CD69: variants seen among roughly 807,000 people sequenced by gnomAD.
The protein encoded by CD69 is CD69 molecule, also known as early activation antigen CD69.
In CD69, 10 loss-of-function variants were observed where a neutral mutation model predicts 21.4. The observed-to-expected ratio is 0.47, with a 90% CI of 0.29 to 0.79. The LOEUF (loss-of-function observed/expected upper bound fraction) is 0.79. CD69 is among the 30% of genes least tolerant of loss of function. CD69 has a pLI of 0.09. For synonymous variants in CD69, 63 were observed against 78.2 expected, an observed-to-expected ratio of 0.81 and a Z score of 1.03; for missense variants, 204 against 236.9, an observed-to-expected ratio of 0.86 and a Z score of 0.91.
chr12:9,759,112 G>C (rs1447932758), intron 1 of CD69, among the ~76,000 whole-genome samples: 1 of 151,936 alleles, frequency 6.6e-6, no homozygotes, highest in African/African-American at 2.4e-5. Flanking sequence ...TGTATTTTTA[G>C]TACAGACGGG....
chr12:9,753,851 T>G (rs1866651511), intron 4 of CD69, among the ~76,000 whole-genome samples: 1 of 152,190 alleles, frequency 6.6e-6, no homozygotes, highest in Non-Finnish European at 1.5e-5. Flanking sequence ...TCTTGGTCAT[T>G]TCTGAGTTCA....
chr12:9,759,311 G>A (rs1162613274), intron 1 of CD69, among the ~76,000 whole-genome samples: 1 of 152,074 alleles, frequency 6.6e-6, no homozygotes, highest in African/African-American at 2.4e-5. Flanking sequence ...CATTAATGGA[G>A]AAGTTGAAAA....
Position 9,755,275 on chromosome 12 carries a change from A to G in CD69, c.188-14T>C, listed in dbSNP as rs764091481. 1 of 1,611,178 alleles carries G rather than the reference A, an allele frequency of 6.2e-7. No individual in the cohort carries two copies. The highest frequency in any genetic ancestry group is 1.7e-5 in the Admixed American group (1 of 60,016). On this transcript the variant is annotated splice_polypyrimidine_tract_variant and intron_variant, in intron 2 of 4. Coordinates refer to ENST00000228434, the MANE Select transcript of CD69 (RefSeq NM_001781.2). ...TGTATTGGCCCACTGTGAACAGAAA[A>G]ATGCTTTGTTTTAGTAACAAAAGAA...
At chr12:9,756,486 T>C in intron 1 of CD69, 67 bp from the exon 2 acceptor site, 4 of 1,272,436 alleles carry the variant, frequency 3.1e-6, no homozygotes, top group Non-Finnish European at 4.3e-6. Context: ...TATGCAACAT[T>C]CTTTTGAGGC....
rs1866695208 is a variant in CD69 at position 9,757,934 on chromosome 12, A to C, written c.65-1515T>G. Among the ~76,000 whole-genome samples the C allele has an allele frequency of 2.6e-5, 4 of 152,244 alleles. No homozygotes were observed. The South Asian group carries it at 6.2e-4, about 24-fold the overall frequency. ...CTCAATTTAAAATGATATGTGAATG[A>C]ACAGTAAAAATTTGAATTTTTCAAA... On this transcript the variant is annotated intron_variant, in intron 1 of 4. Coordinates refer to ENST00000228434, the MANE Select transcript of CD69 (RefSeq NM_001781.2).
chr12:9,756,116 AT>A (rs1157713679), intron 2 of CD69, 180 bp downstream of exon 2: 12 of 401,874 alleles, frequency 3.0e-5, no homozygotes, highest in Non-Finnish European at 4.9e-5. Flanking sequence ...TATTACATTA[AT>A]TATTCAAGGA....
At chr12:9,754,952 AGGT>A in intron 3 of CD69, 107 bp downstream of exon 3, 2 of 919,504 alleles carry the variant, frequency 2.2e-6, no homozygotes, top group Non-Finnish European at 3.4e-6. Context: ...CATCTGAAAT[AGGT>A]ACAATGTTTG....
rs759377891 is a variant in CD69, at chr12:9,755,134, G to C, written c.315C>G (p.Ser105Arg). ...KCYFISTVKR[S>R]WTSAQNACSE... ...AACAAGCATTTTGGGCTGAAGTCCA[G>C]CTCCTCTTCACAGTAGAAATAAAGT... The change falls in exon 3 of 5, where the codon AGC (serine) becomes AGG (arginine). Residue 105 changes from serine to arginine, a missense_variant. Physicochemically the swap from Ser to Arg is moderately radical, Grantham distance 110 (BLOSUM62 -1). Coordinates refer to ENST00000228434, the MANE Select transcript of CD69 (RefSeq NM_001781.2). 2.5e-6 allele frequency: 4 copies of C among 1,613,896 alleles called. No homozygotes were observed. In the East Asian group the frequency reaches 6.7e-5, roughly 27 times the overall value.
At chr12:9,758,581 G>A (rs1001010428) in intron 1 of CD69, among the ~76,000 whole-genome samples, 7 of 152,056 alleles carry the variant, frequency 4.6e-5, no homozygotes, top group Admixed American at 3.3e-4. Flanking sequence ...TCACAGATCG[G>A]CACTCAGATT....
chr12:9,755,353 G>C, intron 2 of CD69, 92 bp from the exon 3 acceptor site: 1 of 1,038,784 alleles, frequency 9.6e-7, no homozygotes, highest in South Asian at 1.3e-5. Context: ...GTTGTGCTAG[G>C]TGGTGATAAA....
In CD69 at chr12:9,753,583, G is replaced by T. The variant is rs11052883; in HGVS notation, c.498C>A (p.Asn166Lys). 158 of 1,476,788 alleles carry T rather than the reference G, an allele frequency of 1.1e-4. No individual in the cohort carries two copies. The African/African-American group carries it at 2.1e-3, about 20-fold the overall frequency. The allele number at this position is 1,476,788 out of a possible 1,614,324, so 91.5% of individuals were successfully genotyped here. A position where few individuals can be genotyped will look rare whatever the true frequency, so the allele number is the denominator to read the frequency against. ...AAACACACTTGTCAGACCCTGTAAC[G>T]TTGAACCTGTCAAACAATAAAAAAA... ...SNGKEFNNWF[N>K]VTGSDKCVFL... is the part of the protein sequence containing the mutation. Residue 166 changes from asparagine to lysine, a missense_variant, in exon 5 of 5, where the codon AAC becomes AAA. Physicochemically the swap from Asn to Lys is moderately conservative, Grantham distance 94 (BLOSUM62 0). Coordinates refer to ENST00000228434, the MANE Select transcript of CD69 (RefSeq NM_001781.2).
chr12:9,759,502 A>G (rs913784159), intron 1 of CD69, among the ~76,000 whole-genome samples: 3 of 150,332 alleles, frequency 2.0e-5, no homozygotes, highest in Non-Finnish European at 4.4e-5. Flanking sequence ...TATTATTATT[A>G]TTATTATTTC....
intron 2 of CD69, among the ~76,000 whole-genome samples, chr12:9,755,729 G>C (rs1011508795): frequency 2.6e-5 from 4 of 152,140 alleles, no homozygotes; most frequent in Non-Finnish European, 4.4e-5. Flanking sequence ...ATATGACTCA[G>C]AATATCTCAA....
chr12:9,759,887 C>G (rs761961361), intron 1 of CD69, among the ~76,000 whole-genome samples: 1 of 152,036 alleles, frequency 6.6e-6, no homozygotes, highest in Non-Finnish European at 1.5e-5. Flanking sequence ...TAGGCAAAAT[C>G]CCAGTAACAG....
At chr12:9,759,679 C>A (rs1008485371) in intron 1 of CD69, among the ~76,000 whole-genome samples, 4 of 152,078 alleles carry the variant, frequency 2.6e-5, no homozygotes, top group Non-Finnish European at 5.9e-5. Context: ...TAGACACACG[C>A]TTAGAAAATA....
intron 1 of CD69, among the ~76,000 whole-genome samples, chr12:9,760,006 A>T (rs755334194): frequency 7.3e-6 from 1 of 137,650 alleles, no homozygotes; most frequent in Non-Finnish European, 1.5e-5. Context: ...ATTCTAAGTT[A>T]CATAGTCTTT....
At chr12:9,756,726 G>C (rs948581893) in intron 1 of CD69, among the ~76,000 whole-genome samples, 1 of 152,078 alleles carries the variant, frequency 6.6e-6, no homozygotes, top group East Asian at 1.9e-4. Context: ...TATATAATCA[G>C]TTTGTTTTAA....
chr12:9,754,797 G>T, intron 3 of CD69, 107 bp from the exon 4 acceptor site: 2 of 794,194 alleles, frequency 2.5e-6, no homozygotes, highest in South Asian at 1.5e-5. Context: ...CAGCTTATCT[G>T]ACCATGTACT....
Position 9,755,057 on chromosome 12 carries a change from C to T in CD69, c.387+5G>A, listed in dbSNP as rs1451594095. 2 of 1,609,682 alleles carry T rather than the reference C, an allele frequency of 1.2e-6. No homozygotes were observed. Among genetic ancestry groups the T allele is most frequent in the Non-Finnish European group, 8.5e-7 (1 of 1,177,544 alleles). On this transcript the variant is annotated splice_donor_5th_base_variant and intron_variant, in intron 3 of 4. Coordinates refer to ENST00000228434, the MANE Select transcript of CD69 (RefSeq NM_001781.2). Reference sequence around the variant, plus strand: ...AGTAGTATTTTATCTTTTTTTTATTCTTACCATGTCCTTTTCAGAATCAAT... The same window carrying T: ...AGTAGTATTTTATCTTTTTTTTATTTTTACCATGTCCTTTTCAGAATCAAT...
Sources: gnomAD v4.1 joint callset for allele counts (sites outside exome capture counted in the v4.1 genomes callset) on GRCh38, gnomAD v4.1.1 for gene constraint, MANE v1.5 for transcripts, NCBI Gene and HGNC (gene_info 2026-07-23, HGNC 2026-07-21) for gene names.